The following ERC2 variants were observed in gnomAD, a reference collection of about 807,000 sequenced individuals.
ERC2 encodes ELKS/RAB6-interacting/CAST family member 2.
In ERC2, 42 loss-of-function variants were observed where a neutral mutation model predicts 114.8. The ratio of observed to expected loss-of-function variants is 0.37; its 90% CI spans 0.29 to 0.47. The LOEUF (loss-of-function observed/expected upper bound fraction) is 0.47. Ranked by LOEUF, ERC2 falls within the 20% of genes least tolerant of loss-of-function variation. The pLI, the probability that ERC2 is intolerant of heterozygous loss-of-function variation, is 0.99. For synonymous variants in ERC2, 454 were observed against 425.5 expected, an observed-to-expected ratio of 1.07 and a Z score of -0.82; for missense variants, 939 against 1,150.7, an observed-to-expected ratio of 0.82 and a Z score of 2.66.
At chr3:56,026,761 A>T (rs1471736818) in intron 7 of ERC2, among the ~76,000 whole-genome samples, 1 of 152,206 alleles carries the variant, frequency 6.6e-6, no homozygotes, top group East Asian at 1.9e-4. Context: ...ATTGACATTG[A>T]TACAACCCAA....
At chr3:55,708,134 G>A (rs1326411698) in intron 15 of ERC2, among the ~76,000 whole-genome samples, 1 of 152,150 alleles carries the variant, frequency 6.6e-6, no homozygotes, top group African/African-American at 2.4e-5. Flanking sequence ...CTCTGAAAAC[G>A]ATGGAACTCA....
At chr3:56,013,361 G>A (rs17216524) in intron 8 of ERC2, among the ~76,000 whole-genome samples, 25,617 of 152,078 alleles carry the variant, frequency 0.17, 2,294 homozygotes, top group East Asian at 0.38. Flanking sequence ...TGTTACAGGG[G>A]GATTTGTGCA....
chr3:55,824,443 G>A (rs1448064974), intron 14 of ERC2, among the ~76,000 whole-genome samples: 3 of 152,130 alleles, frequency 2.0e-5, no homozygotes, highest in Non-Finnish European at 2.9e-5. Flanking sequence ...TCCCATATGA[G>A]TAAGAAAAAA....
rs939167787 is a variant in ERC2 at position 56,346,939 on chromosome 3, G to A, written c.658-50504C>T. Among the ~76,000 whole-genome samples the A allele has an allele frequency of 2.6e-5, 4 of 152,164 alleles. No homozygotes were observed. In the South Asian group the frequency reaches 8.3e-4, roughly 32 times the overall value. On this transcript the variant is annotated intron_variant, in intron 2 of 17. Transcript: ENST00000288221. ...AATCGGCATTAATCCATTCATAAGG[G>A]AGGAGCCTGCATGACCTAAACATCT...
At chr3:56,420,038 G>A (rs2107216382) in intron 2 of ERC2, among the ~76,000 whole-genome samples, 1 of 152,066 alleles carries the variant, frequency 6.6e-6, no homozygotes, top group South Asian at 2.1e-4. Flanking sequence ...AGGATTCCTT[G>A]GAAACTTTTA....
intron 14 of ERC2, among the ~76,000 whole-genome samples, chr3:55,838,624 A>T (rs1047639437): frequency 1.3e-5 from 2 of 152,138 alleles, no homozygotes; most frequent in African/African-American, 4.8e-5. Context: ...TCAAATTGAA[A>T]TTAGAAAAAT....
chr3:55,900,213 T>G (rs2064061205), intron 13 of ERC2, among the ~76,000 whole-genome samples: 1 of 152,248 alleles, frequency 6.6e-6, no homozygotes, highest in Non-Finnish European at 1.5e-5. Flanking sequence ...CTCATTTCAC[T>G]TTGTTCTCTA....
chr3:55,803,043 G>T (rs2059363263), intron 14 of ERC2, among the ~76,000 whole-genome samples: 1 of 152,152 alleles, frequency 6.6e-6, no homozygotes, highest in Non-Finnish European at 1.5e-5. Flanking sequence ...CCATTGTTCT[G>T]AAGCTGGGGA....
chr3:55,632,178 G>A (rs2059782802), intron 17 of ERC2, among the ~76,000 whole-genome samples: 1 of 152,224 alleles, frequency 6.6e-6, no homozygotes, highest in South Asian at 2.1e-4. Context: ...CACACCAGCA[G>A]GGGAAGTCTT....
intron 12 of ERC2, among the ~76,000 whole-genome samples, chr3:55,968,571 A>G (rs2068921472): frequency 6.6e-6 from 1 of 152,196 alleles, no homozygotes; most frequent in Admixed American, 6.5e-5. Context: ...AAACACCATG[A>G]CAACACACAA....
At chr3:56,430,499 C>T (rs2061745924) in intron 2 of ERC2, among the ~76,000 whole-genome samples, 1 of 152,184 alleles carries the variant, frequency 6.6e-6, no homozygotes, top group South Asian at 2.1e-4. Context: ...GAAAACACAT[C>T]ATGAGGCAAA....
intron 15 of ERC2, among the ~76,000 whole-genome samples, chr3:55,710,176 T>C (rs1017925361): frequency 6.6e-6 from 1 of 152,066 alleles, no homozygotes; most frequent in Non-Finnish European, 1.5e-5. Context: ...TTTAGTTCTA[T>C]GAGGAGTCAC....
At position 55,665,289 on chromosome 3, in the gene ERC2, A is replaced by G. The variant is rs117254447; in HGVS notation, c.*39+18505T>C. Among the ~76,000 whole-genome samples the G allele has an allele frequency of 5.3e-4, 80 of 152,338 alleles. No homozygotes were observed. The East Asian group carries it at 0.011, about 21-fold the overall frequency. The stretch of plus-strand genomic sequence containing the variant: ...CTACTCAGATCTCAGCCATTCCGCA[A>G]GGAATTTCAGGGCTGGAAGAAACCT... On this transcript the variant is annotated intron_variant, in intron 17 of 17. Coordinates refer to ENST00000288221, the MANE Select transcript of ERC2 (RefSeq NM_015576.3).
At chr3:56,062,158 GT>G (rs2076270138) in intron 7 of ERC2, among the ~76,000 whole-genome samples, 1 of 152,100 alleles carries the variant, frequency 6.6e-6, no homozygotes, top group South Asian at 2.1e-4. Context: ...AGGCTATACT[GT>G]TTCTTTTTTA....
At chr3:55,587,846 A>G (rs899121810) in intron 17 of ERC2, among the ~76,000 whole-genome samples, 5 of 152,210 alleles carry the variant, frequency 3.3e-5, no homozygotes, top group Admixed American at 3.3e-4. Context: ...ACCAGGCCTT[A>G]TCAAACCCAT....
chr3:55,817,757 C>T (rs973409018), intron 14 of ERC2, among the ~76,000 whole-genome samples: 4 of 152,134 alleles, frequency 2.6e-5, no homozygotes, highest in South Asian at 2.1e-4. Context: ...TTATAGTATC[C>T]GTTCATGGTG....
intron 8 of ERC2, among the ~76,000 whole-genome samples, chr3:56,013,537 A>G (rs959515004): frequency 6.6e-6 from 1 of 152,212 alleles, no homozygotes; most frequent in African/African-American, 2.4e-5. Flanking sequence ...ACGAAGGACC[A>G]GCTTAGACAG....
intron 6 of ERC2, among the ~76,000 whole-genome samples, chr3:56,095,654 A>G (rs774732789): frequency 1.3e-5 from 2 of 152,214 alleles, no homozygotes; most frequent in African/African-American, 2.4e-5. Context: ...TCACTTGTAA[A>G]CTAACCAAGG....
At chr3:56,235,296 C>T (rs1433840247) in intron 3 of ERC2, among the ~76,000 whole-genome samples, 1 of 152,130 alleles carries the variant, frequency 6.6e-6, no homozygotes, top group Non-Finnish European at 1.5e-5. Flanking sequence ...GCTTTCATTT[C>T]TACTGAGAAC....
Sources: allele counts gnomAD v4.1 joint callset (sites outside exome capture counted in the v4.1 genomes callset), GRCh38; gene constraint gnomAD v4.1.1; transcripts MANE v1.5; gene names NCBI Gene and HGNC (gene_info 2026-07-23, HGNC 2026-07-21).